CELF4: variants seen among roughly 807,000 people sequenced by gnomAD.
CELF4 encodes the protein CUGBP Elav-like family member 4.
A neutral mutation model predicts 59.9 loss-of-function variants in CELF4; 18 were observed. That is an observed-to-expected ratio of 0.30 (90% CI 0.21 to 0.45). The LOEUF (loss-of-function observed/expected upper bound fraction) is 0.45, where lower values mean the gene tolerates loss of function less well. Ranked by LOEUF, CELF4 falls within the 20% of genes least tolerant of loss-of-function variation. CELF4 has a pLI of 1.00. For missense variants in CELF4, 456 were observed against 689.0 expected (o/e 0.66, Z 3.79); for synonymous variants, 261 against 267.1 (o/e 0.98, Z 0.22).
intron 2 of CELF4, among the ~76,000 whole-genome samples, chr18:37,482,763 A>G (rs975519584): frequency 6.6e-6 from 1 of 152,064 alleles, no homozygotes; most frequent in Non-Finnish European, 1.5e-5. Context: ...TATGACAGCA[A>G]TGGGATTATT....
intron 2 of CELF4, among the ~76,000 whole-genome samples, chr18:37,346,569 A>G (rs72885329): frequency 0.079 from 12,038 of 152,218 alleles, 797 homozygotes; most frequent in African/African-American, 0.18. Flanking sequence ...GGGGGCAGGT[A>G]CATGAGCCAT....
intron 3 of CELF4, chr18:37,275,599 AG>A: frequency 3.7e-6 from 1 of 271,282 alleles, no homozygotes; most frequent in Non-Finnish European, 7.1e-6. Flanking sequence ...GCACACGGGC[AG>A]CCTGCGTTCC....
intron 3 of CELF4, 98 bp from the exon 4 acceptor site, chr18:37,275,341 C>G: frequency 8.9e-7 from 1 of 1,120,588 alleles, no homozygotes; most frequent in Non-Finnish European, 1.1e-6. Flanking sequence ...AAGGGAGGAG[C>G]CGGGGAGGCG....
At chr18:37,393,561 C>A (rs574367267) in intron 2 of CELF4, among the ~76,000 whole-genome samples, 1 of 152,312 alleles carries the variant, frequency 6.6e-6, no homozygotes, top group Admixed American at 6.5e-5. Flanking sequence ...AGAGGGAGGG[C>A]TCTGCCAGCA....
intron 1 of CELF4, among the ~76,000 whole-genome samples, chr18:37,562,262 A>C (rs1242391920): frequency 6.6e-6 from 1 of 152,064 alleles, no homozygotes; most frequent in Non-Finnish European, 1.5e-5. Flanking sequence ...CAGGTATTCC[A>C]TTAACCCTTA....
At chr18:37,469,511 G>T (rs1167538770) in intron 2 of CELF4, among the ~76,000 whole-genome samples, 2 of 152,156 alleles carry the variant, frequency 1.3e-5, no homozygotes, top group Non-Finnish European at 2.9e-5. Flanking sequence ...CTGTTGGCAG[G>T]ATTCAAAGCC....
chr18:37,343,992 T>A (rs2098154462), intron 2 of CELF4, among the ~76,000 whole-genome samples: 1 of 152,140 alleles, frequency 6.6e-6, no homozygotes, highest in African/African-American at 2.4e-5. Context: ...TTCAGAGACT[T>A]CTGTCTAAGA....
At chr18:37,284,948 T>C (rs1457931300) in intron 3 of CELF4, among the ~76,000 whole-genome samples, 1 of 152,068 alleles carries the variant, frequency 6.6e-6, no homozygotes, top group Admixed American at 6.6e-5. Flanking sequence ...GTCTTCCTTT[T>C]CCCCCCAGGC....
intron 1 of CELF4, among the ~76,000 whole-genome samples, chr18:37,505,848 G>A (rs1444314638): frequency 1.3e-5 from 2 of 152,228 alleles, no homozygotes; most frequent in Admixed American, 6.5e-5. Flanking sequence ...CCCCACATGT[G>A]TTCCTGTTGT....
At chr18:37,502,842 T>C (rs1025747077) in intron 1 of CELF4, among the ~76,000 whole-genome samples, 3 of 152,158 alleles carry the variant, frequency 2.0e-5, no homozygotes, top group African/African-American at 7.2e-5. Flanking sequence ...CCAAGCCCTC[T>C]AGGTAGCGCT....
intron 2 of CELF4, among the ~76,000 whole-genome samples, chr18:37,355,608 G>T (rs1335463462): frequency 6.6e-6 from 1 of 151,314 alleles, no homozygotes; most frequent in Non-Finnish European, 1.5e-5. Flanking sequence ...GGGAAGCAGA[G>T]GTTGCAGTGA....
intron 2 of CELF4, among the ~76,000 whole-genome samples, chr18:37,484,958 A>T (rs976885993): frequency 2.0e-5 from 3 of 152,112 alleles, no homozygotes; most frequent in African/African-American, 7.2e-5. Context: ...GACCCGAAGA[A>T]TACTTCTTAT....
chr18:37,565,007 G>A (rs2099987752), intron 1 of CELF4, among the ~76,000 whole-genome samples: 1 of 151,962 alleles, frequency 6.6e-6, no homozygotes, highest in Non-Finnish European at 1.5e-5. Flanking sequence ...TCCGCTCAGC[G>A]TCCTGGGCTC....
intron 3 of CELF4, among the ~76,000 whole-genome samples, chr18:37,314,817 C>A (rs1418393369): frequency 2.0e-5 from 3 of 152,164 alleles, no homozygotes; most frequent in African/African-American, 4.8e-5. Flanking sequence ...CAGTTCTCAG[C>A]TGCCTGCTTT....
At chr18:37,306,107 G>GGA (rs1382524235) in intron 3 of CELF4, 1 of 152,254 alleles carries the variant, frequency 6.6e-6, no homozygotes, top group Non-Finnish European at 1.5e-5. Flanking sequence ...ACTCAGCGCA[G>GGA]CCCCCTGGGT....
chr18:37,466,419 G>A (rs2099809161), intron 2 of CELF4, among the ~76,000 whole-genome samples: 2 of 151,884 alleles, frequency 1.3e-5, no homozygotes. Context: ...TCTTCATGGG[G>A]TGGGGGTGGG....
intron 2 of CELF4, among the ~76,000 whole-genome samples, chr18:37,467,330 G>A (rs1046512044): frequency 2.0e-5 from 3 of 152,160 alleles, no homozygotes; most frequent in African/African-American, 7.2e-5. Context: ...ATCCCAGAGG[G>A]CAAGAGGCCA....
chr18:37,263,939 C>A (rs896331101), intron 10 of CELF4, among the ~76,000 whole-genome samples: 1 of 152,144 alleles, frequency 6.6e-6, no homozygotes, highest in African/African-American at 2.4e-5. Flanking sequence ...CTTCTCCCCA[C>A]CCTCCCCACT....
In CELF4 at chr18:37,246,093, T is replaced by A. The variant is rs191600443; in HGVS notation, c.*45-896A>T. ...TGCTTAATCATTGTGAATTAACAAA[T>A]GAGACTCATCTCCATTCTAGCAAGC... On this transcript the variant is annotated intron_variant, in intron 12 of 12. Coordinates refer to ENST00000420428, the MANE Select transcript of CELF4 (RefSeq NM_020180.4). The surrounding 1 kb of genome is among the most constrained non-coding windows in gnomAD (Gnocchi z 5.3). 2.1e-4 allele frequency among the ~76,000 whole-genome samples: 32 copies of A among 152,332 alleles called. No individual in the cohort carries two copies. Among genetic ancestry groups the A allele is most frequent in the African/African-American group, 7.2e-4 (30 of 41,574 alleles).
Sources: gnomAD v4.1 joint callset for allele counts (sites outside exome capture counted in the v4.1 genomes callset) on GRCh38, gnomAD v4.1.1 for gene constraint, Gnocchi (gnomAD v3.1) non-coding constraint, MANE v1.5 for transcripts, NCBI Gene and HGNC (gene_info 2026-07-23, HGNC 2026-07-21) for gene names.